Variants in KAT6B observed in about 807,000 individuals in gnomAD.
KAT6B encodes lysine acetyltransferase 6B, also known as histone acetyltransferase KAT6B.
Under a neutral mutation model 187.5 loss-of-function variants are expected in KAT6B, and 10 were observed. The observed-to-expected ratio is 0.05, with a 90% confidence interval of 0.03 to 0.09. KAT6B has a LOEUF of 0.09. Among genes scored for constraint, KAT6B ranks in the 10% least tolerant of loss-of-function variants. The pLI, the probability that KAT6B is intolerant of heterozygous loss-of-function variation, is 1.00. For synonymous variants in KAT6B, 861 were observed against 926.8 expected (o/e 0.93, Z 1.29); for missense variants, 1,952 against 2,558.9 (o/e 0.76, Z 5.12).
chr10:74,848,199 A>C (rs1842241003), intron 3 of KAT6B, among the ~76,000 whole-genome samples: 1 of 152,180 alleles, frequency 6.6e-6, no homozygotes, highest in African/African-American at 2.4e-5. Flanking sequence ...GATTATAGGC[A>C]TGAGCCTCTG....
chr10:74,989,491 C>A (rs935467572), intron 13 of KAT6B, among the ~76,000 whole-genome samples: 21 of 152,156 alleles, frequency 1.4e-4, no homozygotes, highest in Non-Finnish European at 2.9e-5. Flanking sequence ...GAAATTTTGC[C>A]TATAATCTTG....
chr10:74,982,605 A>C (rs866955644), intron 11 of KAT6B: 1 of 152,746 alleles, frequency 6.5e-6, no homozygotes, highest in African/African-American at 2.4e-5. Flanking sequence ...GATTCCGTTA[A>C]GCTGAGTCAG....
chr10:74,841,109 A>G (rs1291678849), intron 2 of KAT6B, among the ~76,000 whole-genome samples: 1 of 152,248 alleles, frequency 6.6e-6, no homozygotes, highest in African/African-American at 2.4e-5. Flanking sequence ...TGTAAGGGAT[A>G]TACCAGTATT....
chr10:74,979,089 G>A (rs1842347138), intron 9 of KAT6B, 135 bp from the exon 10 acceptor site: 2 of 668,878 alleles, frequency 3.0e-6, no homozygotes, highest in South Asian at 3.6e-5. Context: ...AGGGTCTATA[G>A]TGTTTTAAGG....
rs115086252 is a variant in KAT6B, at chr10:74,982,318, C to T, written c.2373+390C>T. 1,041 of 287,382 alleles carry T rather than the reference C, an allele frequency of 3.6e-3. 6 individuals carry two copies. Among genetic ancestry groups the T allele is most frequent in the African/African-American group, 0.021 (961 of 45,018 alleles). 17.8% of individuals were successfully genotyped at this position (287,382 alleles called of 1,614,324 possible). On this transcript the variant is annotated intron_variant, in intron 11 of 17. Coordinates refer to ENST00000287239, the MANE Select transcript of KAT6B (RefSeq NM_012330.4). ...TCTTCCAGGGAATTGAGCAGCTGTA[C>T]ATATCTCCTCAATACACAACCACCT... is the stretch of plus-strand genomic sequence containing the variant.
chr10:74,879,946 T>C (rs1844728464), intron 3 of KAT6B, among the ~76,000 whole-genome samples: 1 of 151,984 alleles, frequency 6.6e-6, no homozygotes, highest in Admixed American at 6.6e-5. Context: ...AATACAAAAA[T>C]TAGCTGGACA....
At chr10:74,878,762 G>A (rs1392769888) in intron 3 of KAT6B, among the ~76,000 whole-genome samples, 2 of 152,176 alleles carry the variant, frequency 1.3e-5, no homozygotes, top group South Asian at 2.1e-4. Flanking sequence ...AAGCTACAGG[G>A]ATCAGAGGTA....
At chr10:74,981,739 A>G in intron 10 of KAT6B, 48 bp from the exon 11 acceptor site, 1 of 1,290,720 alleles carries the variant, frequency 7.7e-7, no homozygotes. Context: ...TCTTCCCCCC[A>G]ACAGTATAAT....
At chr10:74,912,911 G>C (rs1030005257) in intron 3 of KAT6B, among the ~76,000 whole-genome samples, 1 of 152,188 alleles carries the variant, frequency 6.6e-6, no homozygotes, top group Non-Finnish European at 1.5e-5. Flanking sequence ...AGCTGGAGCA[G>C]CTGTCATCTT....
At chr10:74,830,686 T>C (rs1840690189) in intron 1 of KAT6B, among the ~76,000 whole-genome samples, 1 of 137,128 alleles carries the variant, frequency 7.3e-6, no homozygotes, top group Admixed American at 7.7e-5. Context: ...GCCAATATGG[T>C]AAATTTTGCG....
At chr10:74,998,255 A>T (rs537139548) in intron 13 of KAT6B, among the ~76,000 whole-genome samples, 7 of 152,142 alleles carry the variant, frequency 4.6e-5, no homozygotes, top group Admixed American at 2.6e-4. Context: ...CCAGCCTCCA[A>T]TGGTTATTTT....
At chr10:74,932,192 T>C (rs1458616734) in intron 3 of KAT6B, among the ~76,000 whole-genome samples, 1 of 152,230 alleles carries the variant, frequency 6.6e-6, no homozygotes, top group Non-Finnish European at 1.5e-5. Flanking sequence ...GGCCAAAATA[T>C]CTACATCAAG....
chr10:74,976,832 TGTGA>T (rs1373778939), intron 8 of KAT6B: 2 of 274,412 alleles, frequency 7.3e-6, no homozygotes, highest in Non-Finnish European at 1.4e-5. Flanking sequence ...TGCTTTTGGA[TGTGA>T]GTGTGTCTGT....
rs1373000524 is a variant in KAT6B, at chr10:74,945,797, C to T, written c.622-14173C>T. On this transcript the variant is annotated intron_variant, in intron 3 of 17. Coordinates refer to ENST00000287239, the MANE Select transcript of KAT6B (RefSeq NM_012330.4). ...TGCGTGTTTTTGCAAATAAATTACA[C>T]CTCAATGTAATTATACTTAAGTAAA... Among the ~76,000 whole-genome samples the T allele has an allele frequency of 2.6e-5, 4 of 152,146 alleles. No homozygotes were observed. The East Asian group carries it at 7.7e-4, about 29-fold the overall frequency.
At chr10:74,986,353 T>C (rs891655838) in intron 12 of KAT6B, among the ~76,000 whole-genome samples, 7 of 152,228 alleles carry the variant, frequency 4.6e-5, no homozygotes, top group African/African-American at 1.7e-4. Context: ...GACTTTTAGA[T>C]AGAAGGTCCA....
intron 3 of KAT6B, among the ~76,000 whole-genome samples, chr10:74,900,954 T>C (rs2132762198): frequency 6.6e-6 from 1 of 152,330 alleles, no homozygotes; most frequent in African/African-American, 2.4e-5. Context: ...CATGAAAGTA[T>C]ATATTCTTGA....
chr10:75,012,971 G>A (rs1262479368), intron 13 of KAT6B, among the ~76,000 whole-genome samples: 1 of 152,150 alleles, frequency 6.6e-6, no homozygotes, highest in Non-Finnish European at 1.5e-5. Flanking sequence ...CTCAGCAGTG[G>A]AGGTCTGCTG....
chr10:74,869,893 C>T (rs1368441961), intron 3 of KAT6B, among the ~76,000 whole-genome samples: 4 of 152,264 alleles, frequency 2.6e-5, no homozygotes, highest in South Asian at 4.1e-4. Context: ...TTTCACCAAA[C>T]TTAGAAGGTT....
Position 74,974,643 on chromosome 10 carries a change from C to T in KAT6B, c.1062-756C>T, listed in dbSNP as rs573950874. On this transcript the variant is annotated intron_variant, in intron 7 of 17. Coordinates refer to ENST00000287239, the MANE Select transcript of KAT6B (RefSeq NM_012330.4). ...CAGAACCAGGGTACAAAGATTCTGA[C>T]GCCAAGTGTCTGATAATGACCATGG... Among the ~76,000 whole-genome samples, 200 of 152,326 alleles carry T rather than the reference C, an allele frequency of 1.3e-3. 1 individual carries two copies. The highest frequency in any genetic ancestry group is 2.4e-3 in the Non-Finnish European group (162 of 68,030).
Sources: gnomAD v4.1 joint callset for allele counts (sites outside exome capture counted in the v4.1 genomes callset) on GRCh38, gnomAD v4.1.1 for gene constraint, MANE v1.5 for transcripts, NCBI Gene and HGNC (gene_info 2026-07-23, HGNC 2026-07-21) for gene names.